The following TUBD1 variants were observed in gnomAD, a reference collection of about 807,000 sequenced individuals.
The protein encoded by TUBD1 is tubulin delta chain.
In TUBD1, 38 loss-of-function variants were observed where a neutral mutation model predicts 51.2. The observed-to-expected ratio is 0.74, with a 90% confidence interval of 0.57 to 0.97. The LOEUF (loss-of-function observed/expected upper bound fraction) is 0.97, where lower values mean the gene tolerates loss of function less well. Ranked by LOEUF, TUBD1 falls within the 50% of genes least tolerant of loss-of-function variation. The pLI is 0.00. For synonymous variants in TUBD1, 169 were observed against 178.2 expected (o/e 0.95, Z 0.41); for missense variants, 489 against 538.4 (o/e 0.91, Z 0.91).
chr17:59,870,305 G>A (rs1201978557), intron 6 of TUBD1, among the ~76,000 whole-genome samples: 1 of 143,352 alleles, frequency 7.0e-6, no homozygotes, highest in Non-Finnish European at 1.5e-5. Flanking sequence ...CCTGGGAGGT[G>A]GAGGTTGCAG....
Position 59,860,413 on chromosome 17 carries a change from T to C in TUBD1, c.1271A>G (p.His424Arg). ...TTCGATTCCAAATTTTGTGTACTGA[T>C]GAATGTAGGCTCTGGTAGAAAAAAA... Reference protein sequence around the residue: ...WNMFASKAYIHQYTKFGIEEE... With the variant: ...WNMFASKAYIRQYTKFGIEEE... Residue 424 changes from histidine to arginine, a missense_variant, in exon 9 of 9, where the codon CAT becomes CGT. Coordinates refer to ENST00000325752, the MANE Select transcript of TUBD1 (RefSeq NM_016261.4). 1 of 1,599,382 alleles carries C rather than the reference T, an allele frequency of 6.3e-7. No individual in the cohort carries two copies.
At position 59,866,644 on chromosome 17, in the gene TUBD1, A is replaced by G. The variant is rs1445359562; in HGVS notation, c.1040T>C (p.Ile347Thr). The change falls in exon 7 of 9, where the codon ATT becomes ACT. Residue 347 changes from isoleucine (I) to threonine (T), a missense_variant. Transcript: ENST00000325752. ...ACTTTGCACATCTTTCCCACGAAGAATGACCAAGTTAGCAATGGAAGTGTT... is the reference window on the plus strand; with the variant it reads ...ACTTTGCACATCTTTCCCACGAAGAGTGACCAAGTTAGCAATGGAAGTGTT... The part of the protein sequence containing the change: ...HFNTSIANLV[I>T]LRGKDVQSAD... 3.1e-6 allele frequency: 5 copies of G among 1,614,088 alleles called. No individual in the cohort carries two copies. The Admixed American group carries it at 8.3e-5, about 27-fold the overall frequency.
chr17:59,869,067 G>A (rs1407574639), intron 6 of TUBD1, among the ~76,000 whole-genome samples: 2 of 151,466 alleles, frequency 1.3e-5, no homozygotes, highest in East Asian at 3.9e-4. Context: ...TATATGAAGA[G>A]TTATAAAACT....
Position 59,860,910 on chromosome 17 carries a change from G to T in TUBD1, c.1260-486C>A, listed in dbSNP as rs139972187. On this transcript the variant is annotated intron_variant, in intron 8 of 8. Transcript: ENST00000325752. ...CCTGAACTTTCAAAATTTATGTCAA[G>T]CTCCCTGTTTTTTCAGTGTCCAAAA... Among the ~76,000 whole-genome samples the T allele has an allele frequency of 8.6e-5, 13 of 151,934 alleles. No homozygotes were observed. The East Asian group carries it at 2.5e-3, about 29-fold the overall frequency.
intron 2 of TUBD1, among the ~76,000 whole-genome samples, chr17:59,887,529 G>A (rs2040791651): frequency 6.6e-6 from 1 of 152,188 alleles, no homozygotes; most frequent in East Asian, 1.9e-4. Context: ...AGCAGAGGAT[G>A]GAGAAGGAGA....
At chr17:59,879,727 C>T (rs1420212261) in intron 4 of TUBD1, among the ~76,000 whole-genome samples, 1 of 151,884 alleles carries the variant, frequency 6.6e-6, no homozygotes, top group Non-Finnish European at 1.5e-5. Context: ...TGAGCCCCAA[C>T]TGCCTGGCCA....
chr17:59,889,497 T>C (rs186733848), intron 2 of TUBD1, among the ~76,000 whole-genome samples: 1 of 150,148 alleles, frequency 6.7e-6, no homozygotes, highest in East Asian at 2.0e-4. Flanking sequence ...TAAAACCCCA[T>C]CTCTACTAAA....
At chr17:59,861,833 G>GTAT (rs2039461095) in intron 8 of TUBD1, among the ~76,000 whole-genome samples, 1 of 149,820 alleles carries the variant, frequency 6.7e-6, no homozygotes. Flanking sequence ...ACGCCCAGCT[G>GTAT]TTTTTTGTGT....
intron 6 of TUBD1, among the ~76,000 whole-genome samples, chr17:59,873,427 T>A (rs1422727920): frequency 2.6e-5 from 4 of 152,054 alleles, no homozygotes; most frequent in Non-Finnish European, 5.9e-5. Context: ...TTTTTTATAT[T>A]TCTTGTAGAG....
rs558249242 is a variant in TUBD1, at chr17:59,869,330, G to C, written c.935-2581C>G. Reference sequence around the variant, plus strand: ...CTCTACTAAAAAAATACAAAAATTAGACGGGCATGGTGGTGCGCACCTGTA... The same window carrying C: ...CTCTACTAAAAAAATACAAAAATTACACGGGCATGGTGGTGCGCACCTGTA... On this transcript the variant is annotated intron_variant, in intron 6 of 8. Coordinates refer to ENST00000325752, the MANE Select transcript of TUBD1 (RefSeq NM_016261.4). 4.7e-4 allele frequency among the ~76,000 whole-genome samples: 71 copies of C among 151,770 alleles called. 1 individual carries two copies. Among genetic ancestry groups the C allele is most frequent in the Non-Finnish European group, 9.4e-4 (64 of 67,914 alleles).
chr17:59,887,385 C>T (rs2040785459), intron 2 of TUBD1, among the ~76,000 whole-genome samples: 1 of 151,244 alleles, frequency 6.6e-6, no homozygotes, highest in African/African-American at 2.4e-5. Context: ...AAAAAAAAGA[C>T]TTGTGGGAAA....
chr17:59,882,993 C>T (rs1462090733), intron 3 of TUBD1, among the ~76,000 whole-genome samples: 1 of 150,946 alleles, frequency 6.6e-6, no homozygotes, highest in Non-Finnish European at 1.5e-5. Context: ...CCATGTTGGC[C>T]AGGCTGGTCT....
intron 6 of TUBD1, among the ~76,000 whole-genome samples, chr17:59,869,953 T>C (rs1341620326): frequency 6.6e-6 from 1 of 152,020 alleles, no homozygotes; most frequent in African/African-American, 2.4e-5. Flanking sequence ...GGAGAGAATA[T>C]AACAGCAACA....
chr17:59,881,172 C>G (rs2040473554), intron 3 of TUBD1, 62 bp from the exon 4 acceptor site: 1 of 1,359,032 alleles, frequency 7.4e-7, no homozygotes, highest in South Asian at 1.2e-5. Context: ...ATATGTAATT[C>G]AGAGAGAAAG....
At chr17:59,891,657 C>T (rs1198478471) in intron 1 of TUBD1, among the ~76,000 whole-genome samples, 1 of 151,998 alleles carries the variant, frequency 6.6e-6, no homozygotes, top group Non-Finnish European at 1.5e-5. Flanking sequence ...AAACATTCTC[C>T]TCAGTTGAGG....
intron 2 of TUBD1, chr17:59,886,488 G>A (rs538566177): frequency 8.3e-5 from 27 of 326,620 alleles, no homozygotes; most frequent in Middle Eastern, 9.2e-4. Flanking sequence ...CAGATTAGCC[G>A]GCGTGGTGGC....
chr17:59,886,301 G>T, intron 2 of TUBD1, 71 bp from the exon 3 acceptor site: 1 of 1,380,580 alleles, frequency 7.2e-7, no homozygotes. Flanking sequence ...GGGTAACTCA[G>T]AGCATCTAAG....
chr17:59,881,322 ACGCTAAG>A (rs2040480113), intron 3 of TUBD1, among the ~76,000 whole-genome samples: 1 of 152,198 alleles, frequency 6.6e-6, no homozygotes, highest in Non-Finnish European at 1.5e-5. Flanking sequence ...CATTATTGGA[ACGCTAAG>A]CATGTGGGAG....
chr17:59,866,498 A>G, intron 7 of TUBD1, 111 bp downstream of exon 7: 7 of 1,404,190 alleles, frequency 5.0e-6, no homozygotes, highest in Non-Finnish European at 6.7e-6. Flanking sequence ...TAAAACACAC[A>G]GTTATTACTT....
Sources: allele counts gnomAD v4.1 joint callset (sites outside exome capture counted in the v4.1 genomes callset), GRCh38; gene constraint gnomAD v4.1.1; transcripts MANE v1.5; gene names NCBI Gene and HGNC (gene_info 2026-07-23, HGNC 2026-07-21).